The following GIPR variants were observed in gnomAD, a reference collection of about 807,000 sequenced individuals.
The protein encoded by GIPR is GIP-R.
In GIPR, 74 loss-of-function variants were observed where a neutral mutation model predicts 62.2. The observed-to-expected ratio is 1.19, with a 90% CI of 0.99 to 1.44. The LOEUF (loss-of-function observed/expected upper bound fraction) is 1.44, where lower values mean the gene tolerates loss of function less well. Ranked by LOEUF, GIPR falls within the 40% of genes most tolerant of loss-of-function variation. GIPR has a pLI of 0.00. For missense variants in GIPR, 664 were observed against 611.8 expected, an observed-to-expected ratio of 1.09 and a Z score of -0.90; for synonymous variants, 256 against 262.2, an observed-to-expected ratio of 0.98 and a Z score of 0.23.
chr19:45,673,200 A>G (rs183025841), intron 5 of GIPR, among the ~76,000 whole-genome samples: 89 of 152,216 alleles, frequency 5.8e-4, no homozygotes, highest in African/African-American at 2.1e-3. Flanking sequence ...AGGGTGGATC[A>G]CTTGAGGTCA....
Position 45,674,116 on chromosome 19 carries a change from G to C in GIPR, c.427G>C (p.Val143Leu), listed in dbSNP as rs1287346364. ...GGAGCGGTTGCAGGTCATGTACACT[G>C]TCGGCTACTCCCTGTCTCTCGCCAC... ...ILERLQVMYT[V>L]GYSLSLATLL... The change falls in exon 6 of 14, where the codon GTC becomes CTC. Residue 143 changes from valine to leucine, a missense_variant. By Grantham distance (32) the Val-to-Leu change is conservative. Transcript: ENST00000590918. 1 of 1,613,810 alleles carries C rather than the reference G, an allele frequency of 6.2e-7. No individual in the cohort carries two copies. The highest frequency in any genetic ancestry group is 8.5e-7 in the Non-Finnish European group (1 of 1,179,744).
intron 4 of GIPR, among the ~76,000 whole-genome samples, chr19:45,672,337 C>T (rs1263750237): frequency 2.0e-5 from 3 of 151,886 alleles, no homozygotes; most frequent in African/African-American, 7.3e-5. Flanking sequence ...GAGACAGAGT[C>T]TCGCTTTGTT....
In GIPR at chr19:45,681,821, G is replaced by T. The variant is rs1369123558; in HGVS notation, c.1287G>T (p.Arg429=). The change falls in exon 14 of 14, where the codon CGG becomes CGT. Residue 429 remains arginine, a synonymous_variant. Transcript: ENST00000590918. The stretch of plus-strand genomic sequence containing the variant: ...GCCAGCTCCCGGAGCGCGCCTTCCG[G>T]GCCCTGCCCTCCGGCTCCGGCCCGG... The part of the protein sequence containing the change: ...EQRQLPERAF[R]ALPSGSGPGE... 6.4e-7 allele frequency: 1 copy of T among 1,561,398 alleles called. No homozygotes were observed.
chr19:45,672,978 G>T (rs1276726104), intron 5 of GIPR, 24 bp downstream of exon 5: 2 of 1,341,734 alleles, frequency 1.5e-6, no homozygotes, highest in African/African-American at 2.9e-5. Flanking sequence ...AGGGCTTCAG[G>T]TTAGGAGTCC....
rs143531126 is a variant in GIPR, at chr19:45,683,237, G to A, written c.*1302G>A. The A allele has an allele frequency of 3.9e-3, 599 of 152,644 alleles. 4 individuals carry two copies. The highest frequency in any genetic ancestry group is 5.2e-3 in the Non-Finnish European group (358 of 68,214). The allele number at this position is 152,644 out of a possible 1,614,324, so 9.5% of individuals were successfully genotyped here. On this transcript the variant is annotated 3_prime_UTR_variant, in exon 14 of 14. Coordinates refer to ENST00000590918, the MANE Select transcript of GIPR (RefSeq NM_000164.4). ...GGTCTGGAGCTCTCAGGAGAGGGGC[G>A]AGCTGGAGATAGTAATGTGAGAGGC...
At chr19:45,675,163 G>T in intron 7 of GIPR, 1 of 347,856 alleles carries the variant, frequency 2.9e-6, no homozygotes, top group Non-Finnish European at 5.8e-6. Flanking sequence ...GAAAGTAAGT[G>T]GGGGTGGGGA....
intron 8 of GIPR, 30 bp downstream of exon 8, chr19:45,677,138 C>G (rs752894812): frequency 4.3e-6 from 7 of 1,609,810 alleles, no homozygotes; most frequent in East Asian, 4.5e-5. Context: ...CCCGCCCAAC[C>G]CAGCGCGCCT....
chr19:45,677,768 A>G lies in GIPR; in HGVS notation c.913A>G (p.Met305Val), dbSNP rs376471889. The change falls in exon 10 of 14, where the codon ATG becomes GTG. Residue 305 changes from methionine to valine, a missense_variant. Coordinates refer to ENST00000590918, the MANE Select transcript of GIPR (RefSeq NM_000164.4). ...GTGGATTATACGGACCCCCATCCTC[A>G]TGACCATCTTGGTAGGATCGGTCCC... ...IWWIIRTPILMTILINFLIFI... is the reference protein window; with the variant it reads ...IWWIIRTPILVTILINFLIFI... 3.2e-5 allele frequency: 52 copies of G among 1,612,844 alleles called. No homozygotes were observed. In the African/African-American group the frequency reaches 6.1e-4, roughly 19 times the overall value.
rs1975703621 is a variant in GIPR at position 45,674,113 on chromosome 19, A to ACTGTCG, written c.425_430dup (p.Val143_Gly144insAlaVal). ...CTTGGAGCGGTTGCAGGTCATGTACACTGTCGGCTACTCCCTGTCTCTCGC... is the reference window on the plus strand; with the variant it reads ...CTTGGAGCGGTTGCAGGTCATGTACACTGTCGCTGTCGGCTACTCCCTGTCTCTCGC... On this transcript the variant is annotated inframe_insertion, in exon 6 of 14. Transcript: ENST00000590918. 11 of 1,613,558 alleles carry ACTGTCG rather than the reference A, an allele frequency of 6.8e-6. No individual in the cohort carries two copies. The highest frequency in any genetic ancestry group is 9.3e-6 in the Non-Finnish European group (11 of 1,179,696).
Position 45,674,777 on chromosome 19 carries a change from C to CCT in GIPR, c.584_585insCT (p.Arg196PhefsTer28). 6.2e-7 allele frequency: 1 copy of CCT among 1,613,992 alleles called. No homozygotes were observed. ...ATTCTCAGCCGAGACCGTCTGCTAC[C>CCT]TCGACCTGGCCCCTACCTTGGGGAC... On this transcript the variant is annotated frameshift_variant, in exon 7 of 14. Transcript: ENST00000590918. LOFTEE classifies it high-confidence loss of function.
intron 4 of GIPR, 126 bp downstream of exon 4, chr19:45,671,518 C>T: frequency 2.9e-6 from 2 of 701,008 alleles, no homozygotes. Flanking sequence ...TTGCCCCCTA[C>T]TCCTTTCCGG....
At chr19:45,670,434 C>A in intron 2 of GIPR, 1 of 464,142 alleles carries the variant, frequency 2.2e-6, no homozygotes. Context: ...TGAAGGTTTT[C>A]AGTCTCCCAT....
At chr19:45,671,693 G>A (rs1258693920) in intron 4 of GIPR, among the ~76,000 whole-genome samples, 2 of 152,172 alleles carry the variant, frequency 1.3e-5, no homozygotes, top group African/African-American at 2.4e-5. Context: ...TCCGCCTCCC[G>A]GGTTCAAGCG....
At chr19:45,679,139 A>G (rs1967102232) in intron 12 of GIPR, among the ~76,000 whole-genome samples, 1 of 152,124 alleles carries the variant, frequency 6.6e-6, no homozygotes, top group Non-Finnish European at 1.5e-5. Context: ...CAAGAACCAA[A>G]TGGTCCCTAC....
chr19:45,670,843 C>T (rs1975497211), intron 3 of GIPR, 109 bp downstream of exon 3: 6 of 700,778 alleles, frequency 8.6e-6, no homozygotes, highest in East Asian at 5.4e-5. Context: ...GCGCTGTGGG[C>T]TGGAGAGGCC....
chr19:45,680,373 A>C (rs1004541593), intron 12 of GIPR, among the ~76,000 whole-genome samples: 8 of 151,846 alleles, frequency 5.3e-5, no homozygotes, highest in African/African-American at 1.9e-4. Context: ...AAAACAAAAA[A>C]AAAATTAACT....
rs1975422365 is a variant in GIPR at position 45,669,471 on chromosome 19, C to T, written c.-44-6C>T. ...GAGGTGCTGACCTTGCCCTGGGACC[C>T]TCCAGGCCTGATCGCCCCTGCACGA... On this transcript the variant is annotated splice_polypyrimidine_tract_variant and splice_region_variant and intron_variant, in intron 1 of 13. Transcript: ENST00000590918. 6.5e-7 allele frequency: 1 copy of T among 1,546,006 alleles called. No homozygotes were observed. The highest frequency in any genetic ancestry group is 8.7e-7 in the Non-Finnish European group (1 of 1,148,918).
At chr19:45,671,167 G>A in intron 3 of GIPR, 118 bp from the exon 4 acceptor site, 1 of 744,002 alleles carries the variant, frequency 1.3e-6, no homozygotes, top group Non-Finnish European at 2.4e-6. Flanking sequence ...CGGGCTTGGT[G>A]TGGCCGGCGG....
intron 6 of GIPR, 36 bp from the exon 7 acceptor site, chr19:45,674,646 C>T (rs1975735617): frequency 6.2e-7 from 1 of 1,611,024 alleles, no homozygotes; most frequent in Non-Finnish European, 8.5e-7. Flanking sequence ...GGACAGCTCT[C>T]CAGGGGCCCC....
Sources: gnomAD v4.1 joint callset for allele counts (sites outside exome capture counted in the v4.1 genomes callset) on GRCh38, gnomAD v4.1.1 for gene constraint, MANE v1.5 for transcripts, NCBI Gene and HGNC (gene_info 2026-07-23, HGNC 2026-07-21) for gene names.